ERN1: variants seen among roughly 807,000 people sequenced by gnomAD.
ERN1 encodes endoplasmic reticulum to nucleus signaling 1, also known as serine/threonine-protein kinase/endoribonuclease IRE1.
Under a neutral mutation model 113.1 loss-of-function variants are expected in ERN1, and 39 were observed. The observed-to-expected ratio is 0.34, with a 90% CI of 0.27 to 0.45. ERN1 has a LOEUF of 0.45. ERN1 is among the 20% of genes least tolerant of loss of function. ERN1 has a pLI of 1.00. For missense variants in ERN1, 976 were observed against 1,274.8 expected (o/e 0.77, Z 3.57); for synonymous variants, 507 against 515.9 (o/e 0.98, Z 0.23).
At chr17:64,076,750 C>T (rs1226905462) in intron 4 of ERN1, among the ~76,000 whole-genome samples, 2 of 152,196 alleles carry the variant, frequency 1.3e-5, no homozygotes, top group African/African-American at 4.8e-5. Flanking sequence ...CAGGCGCCCG[C>T]CACTGCGCCT....
intron 1 of ERN1, among the ~76,000 whole-genome samples, chr17:64,116,106 G>A (rs1025126214): frequency 1.3e-5 from 2 of 152,126 alleles, no homozygotes; most frequent in African/African-American, 4.8e-5. Flanking sequence ...GTTCAGGATG[G>A]GGAAAAGAAA....
At chr17:64,098,075 C>T in intron 2 of ERN1, 46 bp downstream of exon 2, 1 of 1,608,122 alleles carries the variant, frequency 6.2e-7, no homozygotes, top group Non-Finnish European at 8.5e-7. Flanking sequence ...TCTGTGGAAC[C>T]AGTTAAGCAA....
intron 1 of ERN1, among the ~76,000 whole-genome samples, chr17:64,113,967 C>T (rs899246892): frequency 2.6e-5 from 4 of 151,870 alleles, no homozygotes; most frequent in Non-Finnish European, 5.9e-5. Flanking sequence ...CCGGCGTGAA[C>T]CACCGTGCCC....
At chr17:64,065,883 G>C (rs138647760) in intron 8 of ERN1, among the ~76,000 whole-genome samples, 2 of 152,196 alleles carry the variant, frequency 1.3e-5, no homozygotes, top group Non-Finnish European at 2.9e-5. Context: ...AAAATGGTGA[G>C]AGCTACACCT....
chr17:64,087,587 G>A (rs1723637466), intron 2 of ERN1, among the ~76,000 whole-genome samples: 1 of 152,160 alleles, frequency 6.6e-6, no homozygotes, highest in African/African-American at 2.4e-5. Flanking sequence ...TTAAGGGAGA[G>A]GGACAGGGAT....
intron 1 of ERN1, among the ~76,000 whole-genome samples, chr17:64,126,852 A>T (rs1203408785): frequency 6.6e-6 from 1 of 152,104 alleles, no homozygotes; most frequent in Non-Finnish European, 1.5e-5. Context: ...GTTCTCGGTG[A>T]CTTTTTAAAA....
At chr17:64,118,163 T>C (rs7211313) in intron 1 of ERN1, among the ~76,000 whole-genome samples, 15,754 of 152,106 alleles carry the variant, frequency 0.1, 1,135 homozygotes, top group African/African-American at 0.2. Flanking sequence ...GGGAAGACAT[T>C]TGGAAACAGG....
chr17:64,122,406 T>A (rs1252560067), intron 1 of ERN1, among the ~76,000 whole-genome samples: 1 of 152,108 alleles, frequency 6.6e-6, no homozygotes, highest in African/African-American at 2.4e-5. Context: ...GGGGAAAAAA[T>A]TGAGACTCAT....
At chr17:64,088,156 G>C (rs1196358227) in intron 2 of ERN1, among the ~76,000 whole-genome samples, 1 of 152,102 alleles carries the variant, frequency 6.6e-6, no homozygotes, top group Non-Finnish European at 1.5e-5. Context: ...AGCCTTGCAA[G>C]ATCCTTCTCT....
In ERN1 at chr17:64,060,519, G is replaced by A. The variant is rs1210355142; in HGVS notation, c.1156C>T (p.His386Tyr). ...TCAGCAGGAATCACATTTTCCCGAT[G>A]TTTGGGTAGATTGTTGGGAAATCTC... ...LERFPNNLPK[H>Y]RENVIPADSE... Residue 386 changes from histidine to tyrosine, a missense_variant, in exon 11 of 22, where the codon CAT becomes TAT. Physicochemically the swap from His to Tyr is moderately conservative, Grantham distance 83. Around this residue, in one of 5 missense-constraint regions of ERN1, gnomAD observed 459 missense variants for 581.2 expected, o/e 0.79. Coordinates refer to ENST00000433197, the MANE Select transcript of ERN1 (RefSeq NM_001433.5). The A allele has an allele frequency of 3.1e-6, 5 of 1,613,954 alleles. No individual in the cohort carries two copies. The highest frequency in any genetic ancestry group is 3.3e-5 in the Admixed American group (2 of 60,026).
Position 64,044,447 on chromosome 17 carries a change from A to G in ERN1, c.2722-247T>C, listed in dbSNP as rs1289476883. 1.3e-5 allele frequency among the ~76,000 whole-genome samples: 2 copies of G among 152,232 alleles called. No homozygotes were observed. Among genetic ancestry groups the G allele is most frequent in the Non-Finnish European group, 2.9e-5 (2 of 68,040 alleles). On this transcript the variant is annotated intron_variant, in intron 21 of 21. Coordinates refer to ENST00000433197, the MANE Select transcript of ERN1 (RefSeq NM_001433.5). The surrounding 1 kb of genome is among the most constrained non-coding windows in gnomAD (Gnocchi z 4.1). Reference sequence around the variant, plus strand: ...CCAGGGGGTGCTCAGGCCTTCTGTGACAGTCAGGACCTGGAGACACTCCTG... The same window carrying G: ...CCAGGGGGTGCTCAGGCCTTCTGTGGCAGTCAGGACCTGGAGACACTCCTG...
At chr17:64,053,963 G>T in intron 15 of ERN1, 3 of 302,736 alleles carry the variant, frequency 9.9e-6, no homozygotes, top group South Asian at 5.9e-5. Flanking sequence ...TTAATTTGAC[G>T]GGGTCTCACT....
chr17:64,092,238 G>C (rs1914111638), intron 2 of ERN1, among the ~76,000 whole-genome samples: 1 of 152,132 alleles, frequency 6.6e-6, no homozygotes, highest in African/African-American at 2.4e-5. Context: ...AGGGCTTGGT[G>C]ACCACTGGGC....
At chr17:64,082,871 G>A (rs1295502807) in intron 2 of ERN1, among the ~76,000 whole-genome samples, 1 of 151,806 alleles carries the variant, frequency 6.6e-6, no homozygotes, top group Non-Finnish European at 1.5e-5. Flanking sequence ...CTAGGCTTAG[G>A]AGAAGATAAA....
chr17:64,100,023 T>C (rs948624476), intron 1 of ERN1, among the ~76,000 whole-genome samples: 6 of 152,160 alleles, frequency 3.9e-5, no homozygotes, highest in Non-Finnish European at 7.4e-5. Context: ...TATCAGAGTA[T>C]AAATCGGCCA....
In ERN1 at chr17:64,086,637, C is replaced by CTTTTTTTTTTTTTT. The variant is rs773655917; in HGVS notation, c.176-5843_176-5830dup. Among the ~76,000 whole-genome samples, 8 of 47,600 alleles carry CTTTTTTTTTTTTTT rather than the reference C, an allele frequency of 1.7e-4. 2 individuals are homozygous for CTTTTTTTTTTTTTT. The highest frequency in any genetic ancestry group is 1.2e-3 in the South Asian group (1 of 816). 31.2% of individuals were successfully genotyped at this position (47,600 alleles called of 152,430 possible). ...CATTTCTTTTTTTTTCTTTTCTTTC[C>CTTTTTTTTTTTTTT]TTTTTTTTTTTTTTTTTTTTTTTTT... On this transcript the variant is annotated intron_variant, in intron 2 of 21. Coordinates refer to ENST00000433197, the MANE Select transcript of ERN1 (RefSeq NM_001433.5).
intron 10 of ERN1, among the ~76,000 whole-genome samples, chr17:64,062,115 ATC>A (rs1426897939): frequency 6.6e-6 from 1 of 152,242 alleles, no homozygotes; most frequent in Non-Finnish European, 1.5e-5. Context: ...ATCTATCATT[ATC>A]TCTTAGGTCC....
intron 1 of ERN1, among the ~76,000 whole-genome samples, chr17:64,111,431 C>T (rs1360830080): frequency 6.6e-6 from 1 of 151,962 alleles, no homozygotes; most frequent in Non-Finnish European, 1.5e-5. Context: ...TCTCGGCTCA[C>T]GGCAACCTCC....
At chr17:64,066,531 A>G in intron 8 of ERN1, 140 bp downstream of exon 8, 1 of 972,160 alleles carries the variant, frequency 1.0e-6, no homozygotes, top group Non-Finnish European at 1.5e-6. Flanking sequence ...TTCCAAATGA[A>G]ACAGTCTTGG....
Sources: gnomAD v4.1 joint callset for allele counts (sites outside exome capture counted in the v4.1 genomes callset) on GRCh38, gnomAD v4.1.1 for gene constraint, gnomAD v4.1.1 regional missense constraint, Gnocchi (gnomAD v3.1) non-coding constraint, MANE v1.5 for transcripts, NCBI Gene and HGNC (gene_info 2026-07-23, HGNC 2026-07-21) for gene names.